BTBD16: variants seen among roughly 807,000 people sequenced by gnomAD.
The protein encoded by BTBD16 is BTB domain containing 16, also known as BTB/POZ domain-containing protein 16.
Under a neutral mutation model 67.4 loss-of-function variants are expected in BTBD16, and 66 were observed. The ratio of observed to expected loss-of-function variants is 0.98; its 90% CI spans 0.80 to 1.20. BTBD16 has a LOEUF of 1.20. Ranked by LOEUF, BTBD16 falls within the 50% of genes most tolerant of loss-of-function variation. BTBD16 has a pLI of 0.00. For missense variants in BTBD16, 634 were observed against 616.0 expected (o/e 1.03, Z -0.31); for synonymous variants, 242 against 236.4 (o/e 1.02, Z -0.22).
chr10:122,298,850 A>C (rs1162087138), intron 8 of BTBD16, 154 bp from the exon 9 acceptor site: 1 of 500,486 alleles, frequency 2.0e-6, no homozygotes. Context: ...ACACTTAGAA[A>C]AGGTATCTGC....
chr10:122,320,973 C>T (rs766855341), intron 10 of BTBD16, among the ~76,000 whole-genome samples: 1 of 152,186 alleles, frequency 6.6e-6, no homozygotes, highest in Admixed American at 6.5e-5. Flanking sequence ...GAGCATAGTA[C>T]TCAATAGGTA....
intron 10 of BTBD16, among the ~76,000 whole-genome samples, chr10:122,308,951 C>T (rs984169792): frequency 2.6e-5 from 4 of 152,172 alleles, no homozygotes; most frequent in Admixed American, 6.5e-5. Flanking sequence ...TCTGTCCATC[C>T]GTGATGGGGG....
At position 122,276,803 on chromosome 10, in the gene BTBD16, C is replaced by A; in HGVS notation, c.31C>A (p.Leu11Met). MIMSNTHKAR[L>M]ERRVTGSTNR... ...GATTACCAAGCAGCACAAAGCTCGG[C>A]TGGAACGCCGGGTCACTGGCTCAAC... The change falls in exon 3 of 16, where the codon CTG becomes ATG. Residue 11 changes from leucine (L) to methionine (M), a missense_variant. Coordinates refer to ENST00000260723, the MANE Select transcript of BTBD16 (RefSeq NM_144587.5). 2 of 1,614,138 alleles carry A rather than the reference C, an allele frequency of 1.2e-6. No homozygotes were observed. Among genetic ancestry groups the A allele is most frequent in the Non-Finnish European group, 1.7e-6 (2 of 1,179,974 alleles).
intron 3 of BTBD16, among the ~76,000 whole-genome samples, chr10:122,277,161 T>TTTTTTTC (rs1554886308): frequency 1.1e-4 from 16 of 141,370 alleles, no homozygotes; most frequent in African/African-American, 5.1e-4. Context: ...ATTGAATTTT[T>TTTTTTTC]TTTTTTTTTT....
At position 122,272,389 on chromosome 10, in the gene BTBD16, T is replaced by C. The variant is rs564893132; in HGVS notation, c.-43+875T>C. ...AGAGTTTCGCTCTTGTTTCCCAGGC[T>C]GGAGTGCAATGGTGAGAGTTTGGCT... On this transcript the variant is annotated intron_variant, in intron 1 of 15. Transcript: ENST00000260723. Among the ~76,000 whole-genome samples the C allele has an allele frequency of 2.0e-5, 3 of 152,338 alleles. No homozygotes were observed. The South Asian group carries it at 6.2e-4, about 32-fold the overall frequency.
chr10:122,309,292 A>G (rs2142096386), intron 10 of BTBD16, among the ~76,000 whole-genome samples: 1 of 152,092 alleles, frequency 6.6e-6, no homozygotes, highest in East Asian at 1.9e-4. Context: ...ACATCTGGCT[A>G]ATTTTTAAAA....
intron 13 of BTBD16, 74 bp downstream of exon 13, chr10:122,332,587 C>G (rs1357661198): frequency 2.0e-6 from 3 of 1,468,040 alleles, no homozygotes; most frequent in Middle Eastern, 1.8e-4. Context: ...TGGAGGGCAG[C>G]CATGATCACT....
intron 2 of BTBD16, among the ~76,000 whole-genome samples, chr10:122,276,103 A>G (rs1049771225): frequency 6.6e-6 from 1 of 152,238 alleles, no homozygotes; most frequent in Non-Finnish European, 1.5e-5. Context: ...ACAAAAGGCC[A>G]CATATTGTGT....
intron 8 of BTBD16, 30 bp downstream of exon 8, chr10:122,297,867 C>G: frequency 6.2e-7 from 1 of 1,609,836 alleles, no homozygotes; most frequent in Non-Finnish European, 8.5e-7. Context: ...GGCACATCGC[C>G]CCTTGGGGGG....
chr10:122,294,443 G>A (rs1180480013), intron 7 of BTBD16, among the ~76,000 whole-genome samples: 1 of 152,258 alleles, frequency 6.6e-6, no homozygotes, highest in Non-Finnish European at 1.5e-5. Flanking sequence ...ACTGGGTGAT[G>A]TTCCTTTGAC....
At chr10:122,278,533 G>A (rs776416864) in intron 3 of BTBD16, among the ~76,000 whole-genome samples, 2 of 152,170 alleles carry the variant, frequency 1.3e-5, no homozygotes, top group Non-Finnish European at 2.9e-5. Flanking sequence ...TTATTGCCTG[G>A]GCAGCATTTT....
chr10:122,299,975 C>T (rs1011885053), intron 9 of BTBD16, among the ~76,000 whole-genome samples: 1 of 152,218 alleles, frequency 6.6e-6, no homozygotes, highest in Admixed American at 6.5e-5. Flanking sequence ...CTCCCCATAC[C>T]GGGCCTTGGT....
At chr10:122,291,322 A>G in intron 7 of BTBD16, 128 bp downstream of exon 7, 2 of 1,230,772 alleles carry the variant, frequency 1.6e-6, no homozygotes, top group South Asian at 1.9e-5. Flanking sequence ...TGTGCCAAGC[A>G]TGGCCTTGAG....
intron 4 of BTBD16, 92 bp downstream of exon 4, chr10:122,284,016 A>T: frequency 1.1e-6 from 1 of 919,296 alleles, no homozygotes; most frequent in African/African-American, 1.6e-5. Context: ...TCCATAAACC[A>T]GGGCGCTAGT....
chr10:122,331,200 A>T lies in BTBD16; in HGVS notation c.1028A>T (p.His343Leu). The T allele has an allele frequency of 6.2e-7, 1 of 1,613,082 alleles. No homozygotes were observed. Among genetic ancestry groups the T allele is most frequent in the Admixed American group, 1.7e-5 (1 of 59,856 alleles). The change falls in exon 12 of 16, where the codon CAC becomes CTC. Residue 343 changes from histidine to leucine, a missense_variant. His to Leu is a moderately conservative substitution (Grantham distance 99). Coordinates refer to ENST00000260723, the MANE Select transcript of BTBD16 (RefSeq NM_144587.5). ...GGCAAGGATCTGGAGGTGCTGCGGC[A>T]CCTTAACTTCTTCCCAGAGTCATGG... is the stretch of plus-strand genomic sequence containing the variant. ...TKGKDLEVLR[H>L]LNFFPESWLD...
chr10:122,336,671 T>G lies in BTBD16; in HGVS notation c.1441T>G (p.Cys481Gly). 1 of 1,583,248 alleles carries G rather than the reference T, an allele frequency of 6.3e-7. No homozygotes were observed. The change falls in exon 15 of 16, where the codon TGC becomes GGC. Residue 481 changes from cysteine (C) to glycine (G), a missense_variant. Transcript: ENST00000260723. ...GAAGTTTGGGTTGACCACGTCATCC[T>G]GCAAAAGCCATGCAAGTGTTCACGT... is the stretch of plus-strand genomic sequence containing the variant. ...KQKFGLTTSS[C>G]KSHTLKIQTV...
intron 13 of BTBD16, among the ~76,000 whole-genome samples, chr10:122,334,206 T>TA (rs59914673): frequency 6.7e-6 from 1 of 149,466 alleles, no homozygotes; most frequent in South Asian, 2.1e-4. Flanking sequence ...TTTTTTTTTT[T>TA]TTTTTTTGAG....
At chr10:122,313,527 T>C (rs1375864135) in intron 10 of BTBD16, among the ~76,000 whole-genome samples, 2 of 152,104 alleles carry the variant, frequency 1.3e-5, no homozygotes, top group Non-Finnish European at 2.9e-5. Context: ...CCTCCCAAAG[T>C]GCTGGGATTA....
intron 14 of BTBD16, 84 bp from the exon 15 acceptor site, chr10:122,336,410 G>A: frequency 8.2e-7 from 1 of 1,225,478 alleles, no homozygotes. Context: ...TATATACCAG[G>A]GTCTATATGC....
Sources: gnomAD v4.1 joint callset for allele counts (sites outside exome capture counted in the v4.1 genomes callset) on GRCh38, gnomAD v4.1.1 for gene constraint, MANE v1.5 for transcripts, NCBI Gene and HGNC (gene_info 2026-07-23, HGNC 2026-07-21) for gene names.